The following CELSR2 variants were observed in gnomAD, a reference collection of about 807,000 sequenced individuals.
The protein encoded by CELSR2 is cadherin EGF LAG seven-pass G-type receptor 2.
A neutral mutation model predicts 251.6 loss-of-function variants in CELSR2; 81 were observed. The observed-to-expected ratio is 0.32, with a 90% CI of 0.27 to 0.39. CELSR2 has a LOEUF of 0.39. Among genes scored for constraint, CELSR2 ranks in the 10% least tolerant of loss-of-function variants. The pLI, the probability that CELSR2 is intolerant of heterozygous loss-of-function variation, is 1.00. For missense variants in CELSR2, 3,365 were observed against 3,947.7 expected (o/e 0.85, Z 3.96); for synonymous variants, 1,721 against 1,670.5 (o/e 1.03, Z -0.74).
In CELSR2 at chr1:109,266,166, C is replaced by G. The variant is rs778661369; in HGVS notation, c.5973C>G (p.Phe1991Leu). Residue 1991 changes from phenylalanine to leucine, a missense_variant, in exon 15 of 34, where the codon TTC becomes TTG. Coordinates refer to ENST00000271332, the MANE Select transcript of CELSR2 (RefSeq NM_001408.3). ...GGATCTGGTGGCCCCGTACCCGCTT[C>G]GGGCTGCCTGCTGCTGCTCCCTGTC... ...EAGIWWPRTR[F>L]GLPAAAPCPK... The G allele has an allele frequency of 2.1e-5, 34 of 1,614,012 alleles. No individual in the cohort carries two copies. Among genetic ancestry groups the G allele is most frequent in the Non-Finnish European group, 2.6e-5 (31 of 1,180,044 alleles).
rs763786482 is a variant in CELSR2, at chr1:109,251,148, C to T, written c.1069C>T (p.Arg357Trp). The T allele has an allele frequency of 8.7e-6, 14 of 1,613,090 alleles. No homozygotes were observed. The highest frequency in any genetic ancestry group is 1.2e-5 in the Non-Finnish European group (14 of 1,179,960). ...GATCCGAACCCGTGGCCCTGTGGAT[C>T]GGGAAGAGGTGGAATCCTACCAGCT... is the stretch of plus-strand genomic sequence containing the variant. ...GVIRTRGPVD[R>W]EEVESYQLTV... Residue 357 changes from arginine to tryptophan, a missense_variant, in exon 1 of 34, where the codon CGG (arginine) becomes TGG (tryptophan). By Grantham distance (101) the Arg-to-Trp change is moderately radical (BLOSUM62 -3). Around this residue, in one of 5 missense-constraint regions of CELSR2, gnomAD observed 704 missense variants for 784.1 expected, o/e 0.90. Coordinates refer to ENST00000271332, the MANE Select transcript of CELSR2 (RefSeq NM_001408.3). The surrounding 1 kb of genome is among the most constrained non-coding windows in gnomAD (Gnocchi z 4.9).
rs377029503 is a variant in CELSR2 at position 109,253,055 on chromosome 1, C to T, written c.2976C>T (p.Tyr992=). The change falls in exon 1 of 34, where the codon TAC becomes TAT. Residue 992 remains tyrosine (Y), a synonymous_variant. Transcript: ENST00000271332. ...TAGACTACGAGGACCGGCCTGAGTA[C>T]GTCCTGGTCATCCAGGCCACGTCAG... The part of the protein sequence containing the change: ...VDLDYEDRPE[Y]VLVIQATSAP... The T allele has an allele frequency of 1.7e-5, 28 of 1,613,582 alleles. No individual in the cohort carries two copies. Among genetic ancestry groups the T allele is most frequent in the Non-Finnish European group, 2.1e-5 (25 of 1,180,042 alleles).
Position 109,265,016 on chromosome 1 carries a change from A to G in CELSR2, c.5606+7A>G. 1 of 1,614,162 alleles carries G rather than the reference A, an allele frequency of 6.2e-7. No individual in the cohort carries two copies. The highest frequency in any genetic ancestry group is 8.5e-7 in the Non-Finnish European group (1 of 1,180,000). On this transcript the variant is annotated splice_region_variant and intron_variant, in intron 12 of 33. Coordinates refer to ENST00000271332, the MANE Select transcript of CELSR2 (RefSeq NM_001408.3). ...GGCCATACTGTGAGACCAGGTAAGC[A>G]GACCAGGGCATGTGGCAGCAGGTCC...
Position 109,262,467 on chromosome 1 carries a change from G to A in CELSR2, c.4544+23G>A, listed in dbSNP as rs749624953. 5.0e-6 allele frequency: 8 copies of A among 1,610,416 alleles called. No individual in the cohort carries two copies. The African/African-American group carries it at 1.1e-4, about 21-fold the overall frequency. On this transcript the variant is annotated intron_variant, in intron 6 of 33. Transcript: ENST00000271332. The stretch of plus-strand genomic sequence containing the variant: ...GAAGTGAGCAGGGGAAAGGGCCAGG[G>A]ATGGGGTGAAGTGAGGGCAGGGCCA...
In CELSR2 at chr1:109,250,738, T is replaced by C. The variant is rs1374654832; in HGVS notation, c.659T>C (p.Met220Thr). 1.2e-6 allele frequency: 2 copies of C among 1,613,964 alleles called. No homozygotes were observed. The highest frequency in any genetic ancestry group is 2.2e-5 in the East Asian group (1 of 44,890). The stretch of plus-strand genomic sequence containing the variant: ...GAGGCAGGTCGACTGGAGTACACCA[T>C]GGATGCCCTCTTTGATAGCCGCTCC... The part of the protein sequence containing the change: ...EGEAGRLEYT[M>T]DALFDSRSNQ... The change falls in exon 1 of 34, where the codon ATG becomes ACG. Residue 220 changes from methionine (M) to threonine (T), a missense_variant. Physicochemically the swap from Met to Thr is moderately conservative, Grantham distance 81. Around this residue, in one of 5 missense-constraint regions of CELSR2, gnomAD observed 704 missense variants for 784.1 expected, o/e 0.90. Transcript: ENST00000271332. The surrounding 1 kb of genome is among the most constrained non-coding windows in gnomAD (Gnocchi z 4.4).
At position 109,268,882 on chromosome 1, in the gene CELSR2, A is replaced by G. The variant is rs370743841; in HGVS notation, c.6505A>G (p.Ile2169Val). 6.2e-7 allele frequency: 1 copy of G among 1,602,292 alleles called. No individual in the cohort carries two copies. Among genetic ancestry groups the G allele is most frequent in the Non-Finnish European group, 8.5e-7 (1 of 1,170,820 alleles). ...PFTIVTPNIV[I>V]SVVRLDKGNF... ...TCTGTGACCATCCCCTTCCTTAGTC[A>G]TCTCCGTAGTGCGCTTGGACAAAGG... The change falls in exon 19 of 34, where the codon ATC (isoleucine) becomes GTC (valine). Residue 2169 changes from isoleucine (I) to valine (V), a missense_variant and splice_region_variant. Ile to Val is a conservative substitution (Grantham distance 29, BLOSUM62 3). This residue lies in a region of CELSR2 where 2,093 missense variants were observed against 2,382.8 expected (regional missense o/e 0.88). Coordinates refer to ENST00000271332, the MANE Select transcript of CELSR2 (RefSeq NM_001408.3).
rs1655623598 is a variant in CELSR2, at chr1:109,249,884, C to T, written c.-196C>T. The T allele has an allele frequency of 2.9e-6, 1 of 347,848 alleles. No homozygotes were observed. The highest frequency in any genetic ancestry group is 4.6e-6 in the Non-Finnish European group (1 of 217,474). The allele number at this position is 347,848 out of a possible 1,614,324, so 21.5% of individuals were successfully genotyped here. A position where few individuals can be genotyped will look rare whatever the true frequency, so the allele number is the denominator to read the frequency against. ...CCGGGAGCGGGTCTGGCTCAGGGGG[C>T]AGTGGGAGCCCGGGCTCGTCGGAGG... On this transcript the variant is annotated 5_prime_UTR_variant, in exon 1 of 34. Coordinates refer to ENST00000271332, the MANE Select transcript of CELSR2 (RefSeq NM_001408.3).
At chr1:109,272,464 C>T in intron 29 of CELSR2, 59 bp downstream of exon 29, 1 of 1,564,334 alleles carries the variant, frequency 6.4e-7, no homozygotes, top group Non-Finnish European at 8.7e-7. Flanking sequence ...ATGCTGGACC[C>T]AGGCCAGCCA....
rs56197083 is a variant in CELSR2 at position 109,263,928 on chromosome 1, G to T, written c.5002-150G>T. On this transcript the variant is annotated intron_variant, in intron 9 of 33. Transcript: ENST00000271332. ...GTTGGGAAGGTCAATGCTGCCACCTGTTGGGCCTGAGGGAAATAAATACGC... is the reference window on the plus strand; with the variant it reads ...GTTGGGAAGGTCAATGCTGCCACCTTTTGGGCCTGAGGGAAATAAATACGC... 12 of 1,385,282 alleles carry T rather than the reference G, an allele frequency of 8.7e-6. No homozygotes were observed. The African/African-American group carries it at 1.6e-4, about 18-fold the overall frequency. The allele number at this position is 1,385,282 out of a possible 1,614,324, so 85.8% of individuals were successfully genotyped here.
At position 109,269,616 on chromosome 1, in the gene CELSR2, C is replaced by T. The variant is rs748451616; in HGVS notation, c.6980+25C>T. The T allele has an allele frequency of 6.2e-7, 1 of 1,613,274 alleles. No homozygotes were observed. Among genetic ancestry groups the T allele is most frequent in the Middle Eastern group, 1.6e-4 (1 of 6,084 alleles). On this transcript the variant is annotated intron_variant, in intron 21 of 33. Transcript: ENST00000271332. The surrounding 1 kb of genome is among the most constrained non-coding windows in gnomAD (Gnocchi z 6.4). ...TGTGAGCCTGCACTGCCCTCGCCCC[C>T]TCAGGCTTCGGGCTGAAAGTCCAGG...
rs1298488596 is a variant in CELSR2, at chr1:109,274,151, C to T, written c.*102C>T. The stretch of plus-strand genomic sequence containing the variant: ...TTTATCCTGCCCCGCTCCCCATCGC[C>T]TGCCCGCAGCAGCGACGAAACGTCC... On this transcript the variant is annotated 3_prime_UTR_variant, in exon 34 of 34. Transcript: ENST00000271332. The T allele has an allele frequency of 3.7e-6, 6 of 1,604,216 alleles. No individual in the cohort carries two copies. Among genetic ancestry groups the T allele is most frequent in the Non-Finnish European group, 4.3e-6 (5 of 1,176,252 alleles).
chr1:109,272,140 G>A lies in CELSR2; in HGVS notation c.7927-138G>A, dbSNP rs189447439. On this transcript the variant is annotated intron_variant, in intron 28 of 33. Transcript: ENST00000271332. ...TGCCAGGCCTCAATATGGGGACAGC[G>A]GAGAAGCAGGGCCCTCTCTTTCAGA... 61 of 1,160,194 alleles carry A rather than the reference G, an allele frequency of 5.3e-5. No individual in the cohort carries two copies. The East Asian group carries it at 1.0e-3, about 20-fold the overall frequency. 71.9% of individuals were successfully genotyped at this position (1,160,194 alleles called of 1,614,324 possible).
In CELSR2 at chr1:109,253,267, G is replaced by C; in HGVS notation, c.3188G>C (p.Ser1063Thr). Reference sequence around the variant, plus strand: ...GATATCTCAGATAGTCTGACTTACAGCTTTGAGCGGGGAAATGAACTCAGC... The same window carrying C: ...GATATCTCAGATAGTCTGACTTACACCTTTGAGCGGGGAAATGAACTCAGC... Reference protein sequence around the residue: ...DPDISDSLTYSFERGNELSLV... With the variant: ...DPDISDSLTYTFERGNELSLV... Residue 1063 changes from serine (S) to threonine (T), a missense_variant, in exon 1 of 34, where the codon AGC (serine) becomes ACC (threonine). Coordinates refer to ENST00000271332, the MANE Select transcript of CELSR2 (RefSeq NM_001408.3). 1.9e-6 allele frequency: 3 copies of C among 1,613,476 alleles called. No individual in the cohort carries two copies. The highest frequency in any genetic ancestry group is 1.7e-6 in the Non-Finnish European group (2 of 1,180,040).
At chr1:109,265,945 C>A in intron 14 of CELSR2, 27 bp downstream of exon 14, 1 of 1,603,878 alleles carries the variant, frequency 6.2e-7, no homozygotes, top group South Asian at 1.1e-5. Flanking sequence ...GGGTGGGCAG[C>A]CCTCCTTACA....
At position 109,269,975 on chromosome 1, in the gene CELSR2, C is replaced by A; in HGVS notation, c.7150C>A (p.Leu2384Ile). The A allele has an allele frequency of 6.2e-7, 1 of 1,614,138 alleles. No homozygotes were observed. The highest frequency in any genetic ancestry group is 8.5e-7 in the Non-Finnish European group (1 of 1,180,020). Residue 2384 changes from leucine (L) to isoleucine (I), a missense_variant, in exon 23 of 34, where the codon CTA (leucine) becomes ATA (isoleucine). Coordinates refer to ENST00000271332, the MANE Select transcript of CELSR2 (RefSeq NM_001408.3). This position sits in a 1 kb window ranked among gnomAD's most constrained non-coding sequence, Gnocchi z 6.4. ...ACTGAAGACACTGACATACGTGGCT[C>A]TAGGTGTCACCTTGGCTGCCCTTCT... is the stretch of plus-strand genomic sequence containing the variant. ...LPLKTLTYVA[L>I]GVTLAALLLT...
At chr1:109,262,731 G>T (rs1415301995) in intron 6 of CELSR2, 75 bp from the exon 7 acceptor site, 2 of 1,573,170 alleles carry the variant, frequency 1.3e-6, no homozygotes, top group Non-Finnish European at 1.7e-6. Flanking sequence ...CGTGTCTCTG[G>T]CCTGGCGGCA....
intron 1 of CELSR2, 125 bp from the exon 2 acceptor site, chr1:109,258,307 G>A (rs1570780503): frequency 7.9e-6 from 5 of 634,114 alleles, no homozygotes; most frequent in Middle Eastern, 4.3e-4. Context: ...TGGCCCACAC[G>A]TGACATACCT....
In CELSR2 at chr1:109,262,287, C is replaced by A; in HGVS notation, c.4387C>A (p.Pro1463Thr). 1 of 1,613,728 alleles carries A rather than the reference C, an allele frequency of 6.2e-7. No individual in the cohort carries two copies. The highest frequency in any genetic ancestry group is 1.1e-5 in the South Asian group (1 of 91,070). Residue 1463 changes from proline to threonine, a missense_variant and splice_region_variant, in exon 6 of 34, where the codon CCA becomes ACA. Pro to Thr is a conservative substitution (Grantham distance 38). Around this residue, in one of 5 missense-constraint regions of CELSR2, gnomAD observed 2,093 missense variants for 2,382.8 expected, o/e 0.88. Coordinates refer to ENST00000271332, the MANE Select transcript of CELSR2 (RefSeq NM_001408.3). The part of the protein sequence containing the change: ...HTVQLKYYNK[P>T]LLGQTGLPQG... ...CTTCTCTGCTCTTTCCTGTCCACAG[C>A]CACTGTTGGGTCAGACAGGGCTCCC... is the stretch of plus-strand genomic sequence containing the variant.
At chr1:109,263,904 T>C (rs950072863) in intron 9 of CELSR2, 127 bp downstream of exon 9, 35 of 1,402,042 alleles carry the variant, frequency 2.5e-5, no homozygotes, top group Non-Finnish European at 3.2e-5. Flanking sequence ...GCTGGATCCG[T>C]TGGGAAGGTC....
Sources: allele counts gnomAD v4.1 joint callset, GRCh38; gene constraint gnomAD v4.1.1; regional missense constraint gnomAD v4.1.1; non-coding constraint Gnocchi (gnomAD v3.1); transcripts MANE v1.5; gene names NCBI Gene and HGNC (gene_info 2026-07-23, HGNC 2026-07-21).